The following PTPRK variants were observed in gnomAD, a reference collection of about 807,000 sequenced individuals.
PTPRK encodes protein tyrosine phosphatase receptor type K.
In PTPRK, 75 loss-of-function variants were observed where a neutral mutation model predicts 178.0. The ratio of observed to expected loss-of-function variants is 0.42; its 90% CI spans 0.35 to 0.51. PTPRK has a LOEUF of 0.51. PTPRK is among the 20% of genes least tolerant of loss of function. PTPRK has a pLI of 0.02. For synonymous variants in PTPRK, 637 were observed against 620.6 expected, an observed-to-expected ratio of 1.03 and a Z score of -0.39; for missense variants, 1,441 against 1,797.8, an observed-to-expected ratio of 0.80 and a Z score of 3.59.
At chr6:127,978,789 A>G (rs1257195154) in intron 25 of PTPRK, among the ~76,000 whole-genome samples, 1 of 152,182 alleles carries the variant, frequency 6.6e-6, no homozygotes, top group Non-Finnish European at 1.5e-5. Context: ...GCAGGAACAT[A>G]TGTAAGGCTT....
intron 3 of PTPRK, among the ~76,000 whole-genome samples, chr6:128,301,531 A>T (rs938520383): frequency 6.6e-6 from 1 of 152,112 alleles, no homozygotes; most frequent in African/African-American, 2.4e-5. Flanking sequence ...AATAATATTA[A>T]TCACTAACAT....
intron 3 of PTPRK, among the ~76,000 whole-genome samples, chr6:128,258,976 A>G (rs920573115): frequency 6.6e-6 from 1 of 152,134 alleles, no homozygotes; most frequent in African/African-American, 2.4e-5. Context: ...TATGGGGTAG[A>G]ATTCCTAAGT....
At position 128,064,747 on chromosome 6, in the gene PTPRK, A is replaced by T; in HGVS notation, c.2194+11T>A. On this transcript the variant is annotated intron_variant, in intron 13 of 29. Coordinates refer to ENST00000368226, the MANE Select transcript of PTPRK (RefSeq NM_002844.4). ...AGTAGTTAAAACAAGCAAAAAAAGCAAACCTCTTACCTTTTGTAGCAATGC... is the reference window on the plus strand; with the variant it reads ...AGTAGTTAAAACAAGCAAAAAAAGCTAACCTCTTACCTTTTGTAGCAATGC... The T allele has an allele frequency of 2.5e-6, 4 of 1,583,784 alleles. No homozygotes were observed. Among genetic ancestry groups the T allele is most frequent in the Non-Finnish European group, 3.4e-6 (4 of 1,171,746 alleles).
At chr6:127,990,396 T>A (rs1000730047) in intron 21 of PTPRK, among the ~76,000 whole-genome samples, 1 of 152,104 alleles carries the variant, frequency 6.6e-6, no homozygotes, top group Non-Finnish European at 1.5e-5. Flanking sequence ...TTCTCAACAA[T>A]GAGTTTTTCT....
intron 1 of PTPRK, among the ~76,000 whole-genome samples, chr6:128,485,023 A>G (rs779377271): frequency 6.6e-6 from 1 of 152,216 alleles, no homozygotes; most frequent in Non-Finnish European, 1.5e-5. Flanking sequence ...TGAACCCACA[A>G]TGAAAAGGAA....
intron 7 of PTPRK, among the ~76,000 whole-genome samples, chr6:128,154,461 C>T (rs993693087): frequency 1.3e-5 from 2 of 151,620 alleles, no homozygotes; most frequent in African/African-American, 2.4e-5. Flanking sequence ...TGATGGTAAA[C>T]TACCATATTT....
intron 1 of PTPRK, among the ~76,000 whole-genome samples, chr6:128,459,949 T>A (rs1226931891): frequency 6.6e-6 from 1 of 152,120 alleles, no homozygotes; most frequent in Admixed American, 6.6e-5. Context: ...GCATCTCACA[T>A]GGCAGGAGCA....
chr6:127,990,820 T>C lies in PTPRK; in HGVS notation c.3045A>G (p.Val1015=). The change falls in exon 21 of 30, where the codon GTA becomes GTG. Residue 1015 remains valine (V), a synonymous_variant. Transcript: ENST00000368226. The part of the protein sequence containing the change: ...EVYGDFKVTC[V]EMEPLAEYVV... ...CATATTCAGCAAGTGGTTCCATTTCTACACACGTTACTTTGAAGTCACCAT... is the reference window on the plus strand; with the variant it reads ...CATATTCAGCAAGTGGTTCCATTTCCACACACGTTACTTTGAAGTCACCAT... The C allele has an allele frequency of 6.2e-7, 1 of 1,612,304 alleles. No individual in the cohort carries two copies. The highest frequency in any genetic ancestry group is 8.5e-7 in the Non-Finnish European group (1 of 1,178,658).
rs76566449 is a variant in PTPRK at position 128,286,559 on chromosome 6, A to G, written c.495+35480T>C. On this transcript the variant is annotated intron_variant, in intron 3 of 29. Coordinates refer to ENST00000368226, the MANE Select transcript of PTPRK (RefSeq NM_002844.4). ...ATATTTTCCTCTCTCTTGAGCACAC[A>G]GCACATATTTTTAATAGCTGTTTAA... Among the ~76,000 whole-genome samples the G allele has an allele frequency of 1.2e-3, 184 of 152,252 alleles. 3 individuals carry two copies. The East Asian group carries it at 0.028, about 23-fold the overall frequency.
intron 1 of PTPRK, among the ~76,000 whole-genome samples, chr6:128,503,477 A>G (rs932787552): frequency 6.6e-6 from 1 of 152,216 alleles, no homozygotes; most frequent in Non-Finnish European, 1.5e-5. Context: ...AGATCTTCTA[A>G]ATAGTCTGTA....
chr6:128,435,102 AAGGAAGGCAGGAAGGC>A lies in PTPRK; in HGVS notation c.101-37430_101-37415del, dbSNP rs1356964112. 5.6e-3 allele frequency among the ~76,000 whole-genome samples: 393 copies of A among 70,184 alleles called. 3 individuals carry two copies. Among genetic ancestry groups the A allele is most frequent in the African/African-American group, 0.025 (349 of 14,060 alleles). 46.0% of individuals were successfully genotyped at this position (70,184 alleles called of 152,430 possible). On this transcript the variant is annotated intron_variant, in intron 1 of 29. Coordinates refer to ENST00000368226, the MANE Select transcript of PTPRK (RefSeq NM_002844.4). ...GAAGGAAGGAAGGAAGGAAGGAAGG[AAGGAAGGCAGGAAGGC>A]AGGCAGGAAGGCAGGCAGGCAGGCA... is the stretch of plus-strand genomic sequence containing the variant.
At chr6:128,493,289 G>A (rs560279551) in intron 1 of PTPRK, among the ~76,000 whole-genome samples, 22 of 152,200 alleles carry the variant, frequency 1.4e-4, no homozygotes, top group South Asian at 8.3e-4. Flanking sequence ...CTGGCTGGGC[G>A]CGGTGGCTCA....
In PTPRK at chr6:128,471,514, C is replaced by A. The variant is rs140740080; in HGVS notation, c.100+48745G>T. 4.4e-3 allele frequency among the ~76,000 whole-genome samples: 635 copies of A among 143,456 alleles called. 6 individuals are homozygous for A. Among genetic ancestry groups the A allele is most frequent in the African/African-American group, 0.015 (591 of 38,540 alleles). 94.1% of individuals were successfully genotyped at this position (143,456 alleles called of 152,430 possible). On this transcript the variant is annotated intron_variant, in intron 1 of 29. Transcript: ENST00000368226. ...ATAGAGATGGACAGGGATAATATTACAGAGGAGAAAAGAGAAGCCTTAAAG... is the reference window on the plus strand; with the variant it reads ...ATAGAGATGGACAGGGATAATATTAAAGAGGAGAAAAGAGAAGCCTTAAAG...
chr6:128,112,626 T>C (rs1790855853), intron 7 of PTPRK, among the ~76,000 whole-genome samples: 1 of 152,168 alleles, frequency 6.6e-6, no homozygotes, highest in Admixed American at 6.5e-5. Context: ...TTGTCTGGGC[T>C]GGCAATTGCC....
chr6:128,395,898 A>G (rs1356749618), intron 2 of PTPRK, among the ~76,000 whole-genome samples: 12 of 152,162 alleles, frequency 7.9e-5, no homozygotes, highest in Admixed American at 7.9e-4. Flanking sequence ...AATTCATTCT[A>G]TTATAAAAGT....
At chr6:128,196,129 C>T (rs1198364247) in intron 6 of PTPRK, among the ~76,000 whole-genome samples, 1 of 151,958 alleles carries the variant, frequency 6.6e-6, no homozygotes, top group Non-Finnish European at 1.5e-5. Flanking sequence ...CTAAGAAAGG[C>T]AGGTTTTCAT....
intron 3 of PTPRK, among the ~76,000 whole-genome samples, chr6:128,244,791 A>G (rs1185995894): frequency 6.6e-6 from 1 of 152,224 alleles, no homozygotes; most frequent in Non-Finnish European, 1.5e-5. Context: ...AAACTGTGAA[A>G]GCTTGGTGCA....
intron 15 of PTPRK, chr6:128,000,341 GAAA>G: frequency 8.5e-7 from 1 of 1,170,816 alleles, no homozygotes; most frequent in South Asian, 1.5e-5. Flanking sequence ...CTGGAGAAGG[GAAA>G]AAAAAAAGAA....
intron 2 of PTPRK, among the ~76,000 whole-genome samples, chr6:128,389,825 T>C (rs1839304345): frequency 6.6e-6 from 1 of 152,026 alleles, no homozygotes; most frequent in African/African-American, 2.4e-5. Context: ...ACCTGAAATA[T>C]CAGGAAAAAA....
Sources: allele counts gnomAD v4.1 joint callset (sites outside exome capture counted in the v4.1 genomes callset), GRCh38; gene constraint gnomAD v4.1.1; transcripts MANE v1.5; gene names NCBI Gene and HGNC (gene_info 2026-07-23, HGNC 2026-07-21).